SIDT1: variants seen among roughly 807,000 people sequenced by gnomAD.
SIDT1 encodes SID1 transmembrane family, member 1.
A neutral mutation model predicts 107.5 loss-of-function variants in SIDT1; 101 were observed. The observed-to-expected ratio is 0.94, with a 90% confidence interval of 0.80 to 1.11. SIDT1 has a LOEUF of 1.11. Among genes scored for constraint, SIDT1 ranks in the 50% least tolerant of loss-of-function variants. The probability of loss-of-function intolerance (pLI) is 0.00; values close to 1 mark genes in which losing one functional copy is unlikely to be tolerated. For synonymous variants in SIDT1, 395 were observed against 398.2 expected (o/e 0.99, Z 0.10); for missense variants, 1,076 against 1,058.2 (o/e 1.02, Z -0.23).
intron 24 of SIDT1, among the ~76,000 whole-genome samples, chr3:113,627,038 A>G (rs748849401): frequency 2.0e-5 from 3 of 152,200 alleles, no homozygotes; most frequent in Non-Finnish European, 4.4e-5. Context: ...CGTCACCTTC[A>G]TGAGAGAGAC....
At chr3:113,550,175 C>G (rs1365767929) in intron 1 of SIDT1, among the ~76,000 whole-genome samples, 1 of 152,154 alleles carries the variant, frequency 6.6e-6, no homozygotes. Context: ...ACTCCCTTTC[C>G]CTATGTATCT....
intron 14 of SIDT1, among the ~76,000 whole-genome samples, chr3:113,606,161 C>G (rs1945317593): frequency 6.6e-6 from 1 of 152,120 alleles, no homozygotes; most frequent in African/African-American, 2.4e-5. Flanking sequence ...GAATCCTAGG[C>G]CAAGGTCACT....
At chr3:113,583,596 T>G in intron 7 of SIDT1, 100 bp downstream of exon 7, 1 of 816,810 alleles carries the variant, frequency 1.2e-6, no homozygotes, top group Non-Finnish European at 1.9e-6. Context: ...TAAACAAGGG[T>G]TGGTTCCATC....
At chr3:113,623,596 A>T (rs757669965) in intron 22 of SIDT1, 27 bp from the exon 23 acceptor site, 1 of 1,604,466 alleles carries the variant, frequency 6.2e-7, no homozygotes, top group Non-Finnish European at 8.5e-7. Flanking sequence ...GGGTCGCGTG[A>T]GGCCGCATCT....
chr3:113,593,650 AC>A (rs1275880769), intron 10 of SIDT1, among the ~76,000 whole-genome samples: 2 of 152,080 alleles, frequency 1.3e-5, no homozygotes, highest in Admixed American at 1.3e-4. Flanking sequence ...TAAAAGTTTC[AC>A]CTTTTCTAGG....
intron 5 of SIDT1, among the ~76,000 whole-genome samples, 190 bp from the exon 6 acceptor site, chr3:113,581,171 A>G (rs1031688360): frequency 6.6e-6 from 1 of 152,168 alleles, no homozygotes; most frequent in Non-Finnish European, 1.5e-5. Context: ...CTTTGACTTT[A>G]GAGGACGAGG....
chr3:113,616,693 A>ATT (rs33991386), intron 20 of SIDT1, among the ~76,000 whole-genome samples: 34,776 of 146,562 alleles, frequency 0.24, 4,214 homozygotes, highest in East Asian at 0.31. Context: ...ATAATAAAGA[A>ATT]TTTTTTTTTT....
At chr3:113,597,810 G>A (rs1305679423) in intron 10 of SIDT1, among the ~76,000 whole-genome samples, 6 of 152,140 alleles carry the variant, frequency 3.9e-5, no homozygotes, top group Admixed American at 6.5e-5. Context: ...ATTCACAATC[G>A]TAAGTGTCTG....
In SIDT1 at chr3:113,576,370, G is replaced by A. The variant is rs75870024; in HGVS notation, c.516-552G>A. On this transcript the variant is annotated intron_variant, in intron 3 of 24. Coordinates refer to ENST00000264852, the MANE Select transcript of SIDT1 (RefSeq NM_017699.3). ...TAAATCTTGGGGAATTTCAGCCAAC[G>A]TGGCAGGCAATCGGGGAGCTATTAG... Among the ~76,000 whole-genome samples, 579 of 152,314 alleles carry A rather than the reference G, an allele frequency of 3.8e-3. 3 individuals are homozygous for A. The highest frequency in any genetic ancestry group is 7.1e-3 in the Non-Finnish European group (481 of 68,016).
chr3:113,631,335 G>A (rs1947093387), downstream of SIDT1, among the ~76,000 whole-genome samples: 1 of 152,134 alleles, frequency 6.6e-6, no homozygotes, highest in African/African-American at 2.4e-5. Context: ...TCAGCCTGCA[G>A]GTGACAAAAC....
Position 113,580,659 on chromosome 3 carries a change from G to T in SIDT1, c.613G>T (p.Val205Leu). ...KDVDSVIIKV[V>L]SEMAYPCSVV... ...CGTGGACTCAGTTATCATTAAAGTG[G>T]TGTCTGAAATGGCTTATCCATGTTC... The change falls in exon 5 of 25, where the codon GTG (valine) becomes TTG (leucine). Residue 205 changes from valine (V) to leucine (L), a missense_variant. Coordinates refer to ENST00000264852, the MANE Select transcript of SIDT1 (RefSeq NM_017699.3). 1 of 1,613,606 alleles carries T rather than the reference G, an allele frequency of 6.2e-7. No homozygotes were observed. Among genetic ancestry groups the T allele is most frequent in the African/African-American group, 1.3e-5 (1 of 75,026 alleles).
intron 10 of SIDT1, among the ~76,000 whole-genome samples, chr3:113,598,022 G>A (rs1944698715): frequency 6.6e-6 from 1 of 152,226 alleles, no homozygotes; most frequent in African/African-American, 2.4e-5. Flanking sequence ...GTTATCCCAT[G>A]TTGGCCAATC....
intron 1 of SIDT1, among the ~76,000 whole-genome samples, chr3:113,534,803 AT>A (rs1937916563): frequency 2.0e-5 from 3 of 152,364 alleles, no homozygotes; most frequent in Non-Finnish European, 4.4e-5. Context: ...GCAGTTCTGC[AT>A]AGAGATAGAG....
chr3:113,630,821 C>T (rs1211832342), downstream of SIDT1, among the ~76,000 whole-genome samples: 1 of 152,174 alleles, frequency 6.6e-6, no homozygotes, highest in Non-Finnish European at 1.5e-5. Flanking sequence ...ATCCTCAGCT[C>T]ACCCTCCTGA....
At chr3:113,535,789 T>C (rs910336114) in intron 1 of SIDT1, among the ~76,000 whole-genome samples, 11 of 152,214 alleles carry the variant, frequency 7.2e-5, no homozygotes, top group Non-Finnish European at 1.5e-4. Flanking sequence ...AATGCTGTAG[T>C]GGAGCCCTCA....
chr3:113,588,181 T>C (rs560240327), intron 9 of SIDT1, among the ~76,000 whole-genome samples: 2 of 152,334 alleles, frequency 1.3e-5, no homozygotes, highest in South Asian at 4.1e-4. Flanking sequence ...TTCTAAGCTG[T>C]GGTATAAGGC....
intron 1 of SIDT1, among the ~76,000 whole-genome samples, chr3:113,566,040 A>T (rs1216653909): frequency 6.6e-6 from 1 of 152,128 alleles, no homozygotes; most frequent in East Asian, 1.9e-4. Context: ...TCATTCTCAA[A>T]ATCTTGTGTT....
At chr3:113,631,265 C>G (rs968073111), downstream of SIDT1, among the ~76,000 whole-genome samples, 1 of 152,184 alleles carries the variant, frequency 6.6e-6, no homozygotes, top group African/African-American at 2.4e-5. Context: ...CCCTCCCTTC[C>G]CACCCTGATT....
Position 113,546,626 on chromosome 3 carries a change from C to A in SIDT1, c.222+13383C>A, listed in dbSNP as rs551720953. ...TCTGAGATATTTTAAGCATCTGATACAATGTATAGAAATTTTCAGAATTTC... is the reference window on the plus strand; with the variant it reads ...TCTGAGATATTTTAAGCATCTGATAAAATGTATAGAAATTTTCAGAATTTC... On this transcript the variant is annotated intron_variant, in intron 1 of 24. Coordinates refer to ENST00000264852, the MANE Select transcript of SIDT1 (RefSeq NM_017699.3). 2.0e-5 allele frequency among the ~76,000 whole-genome samples: 3 copies of A among 152,202 alleles called. No individual in the cohort carries two copies. In the East Asian group the frequency reaches 5.8e-4, roughly 29 times the overall value.
Sources: allele counts gnomAD v4.1 joint callset (sites outside exome capture counted in the v4.1 genomes callset), GRCh38; gene constraint gnomAD v4.1.1; transcripts MANE v1.5; gene names NCBI Gene and HGNC (gene_info 2026-07-23, HGNC 2026-07-21).